The following SNTG2 variants were observed in gnomAD, a reference collection of about 807,000 sequenced individuals.
SNTG2 encodes the protein gamma-2-syntrophin.
A neutral mutation model predicts 70.9 loss-of-function variants in SNTG2; 74 were observed. That is an observed-to-expected ratio of 1.04 (90% CI 0.86 to 1.27). The LOEUF (loss-of-function observed/expected upper bound fraction) is 1.27, where lower values mean the gene tolerates loss of function less well. SNTG2 is among the 50% of genes most tolerant of loss of function. The pLI, the probability that SNTG2 is intolerant of heterozygous loss-of-function variation, is 0.00. For missense variants in SNTG2, 717 were observed against 690.7 expected, an observed-to-expected ratio of 1.04 and a Z score of -0.43; for synonymous variants, 278 against 273.8, an observed-to-expected ratio of 1.02 and a Z score of -0.15.
At chr2:980,177 G>T (rs1661052314) in intron 1 of SNTG2, among the ~76,000 whole-genome samples, 1 of 152,128 alleles carries the variant, frequency 6.6e-6, no homozygotes, top group Admixed American at 6.5e-5. Context: ...ATCTAAACAA[G>T]TGCTGTGTAT....
At chr2:1,132,170 A>G (rs1668060020) in intron 4 of SNTG2, among the ~76,000 whole-genome samples, 1 of 143,512 alleles carries the variant, frequency 7.0e-6, no homozygotes, top group Non-Finnish European at 1.5e-5. Flanking sequence ...GAGCTTATTT[A>G]ATCAGATAAT....
At chr2:1,208,461 G>A (rs529351817) in intron 8 of SNTG2, among the ~76,000 whole-genome samples, 2 of 152,282 alleles carry the variant, frequency 1.3e-5, no homozygotes, top group East Asian at 3.9e-4. Flanking sequence ...GGAATGGGAG[G>A]TGGGTGGATC....
intron 1 of SNTG2, among the ~76,000 whole-genome samples, chr2:1,064,218 TC>T (rs1663007880): frequency 6.6e-6 from 1 of 151,944 alleles, no homozygotes; most frequent in Admixed American, 6.5e-5. Context: ...GTATTAGAGA[TC>T]CATTCAAACA....
chr2:959,369 AT>A (rs1660276941), intron 1 of SNTG2, among the ~76,000 whole-genome samples: 1 of 152,206 alleles, frequency 6.6e-6, no homozygotes. Flanking sequence ...ATGTATTGCA[AT>A]TATTTTCTTC....
intron 8 of SNTG2, among the ~76,000 whole-genome samples, chr2:1,197,983 T>A (rs1339737659): frequency 1.3e-5 from 2 of 152,294 alleles, no homozygotes; most frequent in East Asian, 3.9e-4. Context: ...TGGATTTAAC[T>A]TGTACTTTAG....
chr2:1,320,089 T>C (rs77620392), intron 16 of SNTG2, among the ~76,000 whole-genome samples: 6,283 of 152,264 alleles, frequency 0.041, 426 homozygotes, highest in African/African-American at 0.14. Flanking sequence ...CTTTTAGTAG[T>C]TGTTGAAAAT....
In SNTG2 at chr2:989,986, C is replaced by T. The variant is rs538176093; in HGVS notation, c.72+38918C>T. 7.2e-5 allele frequency among the ~76,000 whole-genome samples: 11 copies of T among 152,344 alleles called. No individual in the cohort carries two copies. The South Asian group carries it at 8.3e-4, about 11-fold the overall frequency. ...CAGGGGTGGCATCCAGTCACGGCTC[C>T]GCTCTGTGTCCTGCCCTGAGCTCCT... On this transcript the variant is annotated intron_variant, in intron 1 of 16. Coordinates refer to ENST00000308624, the MANE Select transcript of SNTG2 (RefSeq NM_018968.4).
chr2:1,214,238 T>C (rs1368553899), intron 9 of SNTG2, among the ~76,000 whole-genome samples: 1 of 152,250 alleles, frequency 6.6e-6, no homozygotes, highest in Non-Finnish European at 1.5e-5. Context: ...CAGAGTGTTT[T>C]ATGGTTCCAT....
At position 1,197,141 on chromosome 2, in the gene SNTG2, AT is replaced by A. The variant is rs200652931; in HGVS notation, c.592-11960del. On this transcript the variant is annotated intron_variant, in intron 8 of 16. Transcript: ENST00000308624. The stretch of plus-strand genomic sequence containing the variant: ...CAATAACTACCTTAAATGTAAATGA[AT>A]TAAATTTCCCACTTAAAAGATACAG... Among the ~76,000 whole-genome samples, 1,360 of 152,292 alleles carry A rather than the reference AT, an allele frequency of 8.9e-3. 19 individuals carry two copies. Among genetic ancestry groups the A allele is most frequent in the African/African-American group, 0.031 (1,293 of 41,558 alleles).
intron 9 of SNTG2, among the ~76,000 whole-genome samples, chr2:1,222,486 A>C (rs1212674120): frequency 7.1e-6 from 1 of 141,314 alleles, no homozygotes; most frequent in African/African-American, 2.8e-5. Flanking sequence ...CTGTAGAGGA[A>C]AGTGGTGCAG....
intron 1 of SNTG2, among the ~76,000 whole-genome samples, chr2:1,061,116 A>G (rs1662791048): frequency 6.6e-6 from 1 of 152,172 alleles, no homozygotes; most frequent in Non-Finnish European, 1.5e-5. Context: ...AGATCAAGAA[A>G]GGTAAACAAA....
At chr2:1,230,129 G>GC (rs746185296) in intron 9 of SNTG2, among the ~76,000 whole-genome samples, 1 of 152,250 alleles carries the variant, frequency 6.6e-6, no homozygotes, top group East Asian at 1.9e-4. Flanking sequence ...AGCGAGGGCT[G>GC]TGAGTACTGC....
chr2:1,222,181 C>T (rs1572777142), intron 9 of SNTG2, among the ~76,000 whole-genome samples: 2 of 151,726 alleles, frequency 1.3e-5, no homozygotes, highest in African/African-American at 4.9e-5. Flanking sequence ...CTCTTTTTCT[C>T]CCTCTGCAGC....
intron 1 of SNTG2, among the ~76,000 whole-genome samples, chr2:969,388 T>TTC (rs1660668346): frequency 6.6e-6 from 1 of 152,090 alleles, no homozygotes; most frequent in Non-Finnish European, 1.5e-5. Context: ...TAGTTTTTTT[T>TTC]CTAATTCTGT....
At chr2:1,124,886 T>C (rs1301229917) in intron 4 of SNTG2, among the ~76,000 whole-genome samples, 3 of 152,138 alleles carry the variant, frequency 2.0e-5, no homozygotes, top group African/African-American at 4.8e-5. Context: ...GCATGAGGAC[T>C]GAAGGTCACA....
intron 14 of SNTG2, among the ~76,000 whole-genome samples, chr2:1,306,849 C>T (rs976971438): frequency 2.6e-5 from 4 of 150,994 alleles, no homozygotes; most frequent in East Asian, 3.9e-4. Context: ...TGTGCGTGCA[C>T]GTGTGTATGC....
intron 16 of SNTG2, among the ~76,000 whole-genome samples, chr2:1,329,977 A>G (rs936142087): frequency 6.6e-6 from 1 of 152,166 alleles, no homozygotes; most frequent in Non-Finnish European, 1.5e-5. Context: ...GAAGAGTAAA[A>G]TCTGTTCCTA....
intron 16 of SNTG2, among the ~76,000 whole-genome samples, chr2:1,320,997 C>T (rs1471057513): frequency 1.3e-5 from 2 of 152,146 alleles, no homozygotes; most frequent in East Asian, 1.9e-4. Context: ...AGGGTCAGCA[C>T]ATATGTACAC....
intron 1 of SNTG2, among the ~76,000 whole-genome samples, chr2:971,515 T>C (rs998141444): frequency 6.6e-6 from 1 of 152,068 alleles, no homozygotes; most frequent in Non-Finnish European, 1.5e-5. Flanking sequence ...TTTTGTCATT[T>C]CTGATTGTTT....
Sources: gnomAD v4.1 joint callset for allele counts (sites outside exome capture counted in the v4.1 genomes callset) on GRCh38, gnomAD v4.1.1 for gene constraint, MANE v1.5 for transcripts, NCBI Gene and HGNC (gene_info 2026-07-23, HGNC 2026-07-21) for gene names.